The following LRRC4C variants were observed in gnomAD, a reference collection of about 807,000 sequenced individuals.
LRRC4C encodes the protein leucine rich repeat containing 4C.
Under a neutral mutation model 33.6 loss-of-function variants are expected in LRRC4C, and 5 were observed. The observed-to-expected ratio is 0.15, with a 90% CI of 0.08 to 0.31. The LOEUF is 0.31. Ranked by LOEUF, LRRC4C falls within the 10% of genes least tolerant of loss-of-function variation. LRRC4C has a pLI of 1.00. For synonymous variants in LRRC4C, 329 were observed against 302.0 expected, an observed-to-expected ratio of 1.09 and a Z score of -0.93; for missense variants, 560 against 796.7, an observed-to-expected ratio of 0.70 and a Z score of 3.58.
chr11:41,167,263 C>T (rs1275841452), intron 1 of LRRC4C, among the ~76,000 whole-genome samples: 1 of 152,108 alleles, frequency 6.6e-6, no homozygotes. Flanking sequence ...AACACTTTCC[C>T]AGCACTACAA....
intron 1 of LRRC4C, among the ~76,000 whole-genome samples, chr11:41,330,315 T>C (rs1951252206): frequency 6.6e-6 from 1 of 152,062 alleles, no homozygotes; most frequent in Admixed American, 6.5e-5. Context: ...ACTATTTTGT[T>C]TTTTTCTTTT....
At chr11:40,768,355 G>C (rs539566533) in intron 2 of LRRC4C, among the ~76,000 whole-genome samples, 2 of 151,970 alleles carry the variant, frequency 1.3e-5, no homozygotes, top group African/African-American at 2.4e-5. Flanking sequence ...CTTGGGACCT[G>C]GTGGTTTCAC....
chr11:41,351,899 C>T (rs1418158003), intron 1 of LRRC4C, among the ~76,000 whole-genome samples: 1 of 152,090 alleles, frequency 6.6e-6, no homozygotes, highest in African/African-American at 2.4e-5. Context: ...AAATGAAAGA[C>T]CATTACTTGA....
intron 2 of LRRC4C, among the ~76,000 whole-genome samples, chr11:40,727,819 TG>T (rs1324921184): frequency 6.6e-6 from 1 of 151,882 alleles, no homozygotes; most frequent in African/African-American, 2.4e-5. Flanking sequence ...GAGGCTCAGG[TG>T]GGCGGATCAC....
chr11:40,274,160 T>C (rs1942916610), intron 4 of LRRC4C, among the ~76,000 whole-genome samples: 1 of 151,986 alleles, frequency 6.6e-6, no homozygotes, highest in Non-Finnish European at 1.5e-5. Flanking sequence ...GATACAGCTT[T>C]GGTCACTTGG....
intron 3 of LRRC4C, among the ~76,000 whole-genome samples, chr11:40,480,011 C>A (rs1953463251): frequency 6.6e-6 from 1 of 151,992 alleles, no homozygotes; most frequent in Non-Finnish European, 1.5e-5. Flanking sequence ...ATTGGTTTTC[C>A]TTGAAGAGAG....
chr11:41,405,197 T>C (rs761071785), intron 1 of LRRC4C, among the ~76,000 whole-genome samples: 1 of 152,042 alleles, frequency 6.6e-6, no homozygotes, highest in African/African-American at 2.4e-5. Context: ...ACCAAGAAGG[T>C]GACATTTAAA....
At chr11:40,275,981 T>C (rs1481193340) in intron 4 of LRRC4C, among the ~76,000 whole-genome samples, 1 of 152,004 alleles carries the variant, frequency 6.6e-6, no homozygotes, top group African/African-American at 2.4e-5. Flanking sequence ...AAACAGGATA[T>C]TGGAAATGAA....
At chr11:41,279,381 A>AACACACAC (rs575973002) in intron 1 of LRRC4C, among the ~76,000 whole-genome samples, 1,574 of 126,424 alleles carry the variant, frequency 0.012, 32 homozygotes, top group East Asian at 0.039. Flanking sequence ...CACACACACA[A>AACACACAC]ACACACACAC....
chr11:40,777,995 G>T (rs1341901453), intron 2 of LRRC4C, among the ~76,000 whole-genome samples: 1 of 152,010 alleles, frequency 6.6e-6, no homozygotes. Context: ...GCCAGATCTT[G>T]ATTTTTTTAA....
chr11:40,777,780 C>A (rs183652147), intron 2 of LRRC4C, among the ~76,000 whole-genome samples: 1 of 151,796 alleles, frequency 6.6e-6, no homozygotes, highest in African/African-American at 2.4e-5. Flanking sequence ...CTCCGCCTCC[C>A]GAGTTCACGC....
intron 1 of LRRC4C, among the ~76,000 whole-genome samples, chr11:41,065,220 G>A (rs1938139126): frequency 6.6e-6 from 1 of 152,040 alleles, no homozygotes; most frequent in Admixed American, 6.6e-5. Context: ...GGTGAGGGGA[G>A]GGGAGACCGC....
chr11:40,722,300 TAG>T (rs888900725), intron 2 of LRRC4C, among the ~76,000 whole-genome samples: 3 of 152,176 alleles, frequency 2.0e-5, no homozygotes, highest in Non-Finnish European at 4.4e-5. Flanking sequence ...CTCTCCTCCC[TAG>T]AGAGAGCACG....
intron 3 of LRRC4C, among the ~76,000 whole-genome samples, chr11:40,535,108 T>C (rs1201519018): frequency 1.3e-5 from 2 of 152,170 alleles, no homozygotes; most frequent in Admixed American, 1.3e-4. Context: ...GGTAGCAGTG[T>C]ATTATGGGAC....
At chr11:40,886,435 A>ACACACG (rs1412994804) in intron 2 of LRRC4C, among the ~76,000 whole-genome samples, 1 of 151,066 alleles carries the variant, frequency 6.6e-6, no homozygotes, top group South Asian at 2.1e-4. Context: ...ACACACACAC[A>ACACACG]CGCACACACT....
At chr11:41,065,445 A>G (rs564530802) in intron 1 of LRRC4C, among the ~76,000 whole-genome samples, 1 of 152,274 alleles carries the variant, frequency 6.6e-6, no homozygotes, top group African/African-American at 2.4e-5. Flanking sequence ...CAGAGAACCT[A>G]TGGGGAGGGG....
intron 2 of LRRC4C, among the ~76,000 whole-genome samples, chr11:40,929,409 A>C (rs1039988696): frequency 1.3e-5 from 2 of 152,164 alleles, no homozygotes; most frequent in African/African-American, 4.8e-5. Flanking sequence ...AAAATAAATA[A>C]ATAAAAACAA....
intron 1 of LRRC4C, among the ~76,000 whole-genome samples, chr11:41,145,586 T>C (rs1018035886): frequency 2.7e-5 from 4 of 148,808 alleles, no homozygotes; most frequent in Non-Finnish European, 4.5e-5. Context: ...CCACAAAGCC[T>C]AAAATATATA....
intron 2 of LRRC4C, among the ~76,000 whole-genome samples, chr11:40,782,364 T>G (rs1287119246): frequency 6.6e-6 from 1 of 152,120 alleles, no homozygotes; most frequent in Non-Finnish European, 1.5e-5. Flanking sequence ...ATGGCTGCTC[T>G]CACTTTTAGG....
Sources: allele counts gnomAD v4.1 joint callset (sites outside exome capture counted in the v4.1 genomes callset), GRCh38; gene constraint gnomAD v4.1.1; transcripts MANE v1.5; gene names NCBI Gene and HGNC (gene_info 2026-07-23, HGNC 2026-07-21).